Variants in COL4A4 observed in about 807,000 individuals in gnomAD.
The protein encoded by COL4A4 is collagen alpha-4(IV) chain.
COL4A4 carries 105 observed loss-of-function variants against 192.9 expected under a neutral mutation model. The ratio of observed to expected loss-of-function variants is 0.54; its 90% CI spans 0.46 to 0.64. The LOEUF (loss-of-function observed/expected upper bound fraction) is 0.64, where lower values mean the gene tolerates loss of function less well. COL4A4 is among the 30% of genes least tolerant of loss of function. The pLI, the probability that COL4A4 is intolerant of heterozygous loss-of-function variation, is 0.00. For synonymous variants in COL4A4, 762 were observed against 769.9 expected, an observed-to-expected ratio of 0.99 and a Z score of 0.17; for missense variants, 1,967 against 2,169.3, an observed-to-expected ratio of 0.91 and a Z score of 1.85.
At chr2:226,969,364 G>T in the COL4A4 span, among the ~76,000 whole-genome samples, 2 of 141,132 alleles carry the variant, frequency 1.4e-5, no homozygotes, top group East Asian at 4.4e-4. Context: ...AGCAGCAATA[G>T]CCATTTGCTC....
intron 1 of COL4A4, among the ~76,000 whole-genome samples, chr2:227,152,948 G>T (rs2064058616): frequency 6.6e-6 from 1 of 152,128 alleles, no homozygotes; most frequent in African/African-American, 2.4e-5. Flanking sequence ...CCTGAGACTG[G>T]GTAATTTGTA....
intron 19 of COL4A4, among the ~76,000 whole-genome samples, chr2:227,097,554 GTTAC>G (rs1302360780): frequency 2.0e-5 from 3 of 152,262 alleles, no homozygotes; most frequent in African/African-American, 7.2e-5. Flanking sequence ...AGAGACACTT[GTTAC>G]TTACTATTAG....
chr2:227,156,395 TAAA>T (rs5839193), intron 1 of COL4A4, among the ~76,000 whole-genome samples: 8 of 135,142 alleles, frequency 5.9e-5, no homozygotes, highest in Admixed American at 5.9e-4. Flanking sequence ...AAACCCCGTC[TAAA>T]AAAAAAAAAA....
At chr2:227,063,912 T>C (rs2058134508) in intron 25 of COL4A4, among the ~76,000 whole-genome samples, 1 of 152,114 alleles carries the variant, frequency 6.6e-6, no homozygotes, top group Non-Finnish European at 1.5e-5. Flanking sequence ...AATTTTGGTA[T>C]GTCAAATAAA....
At chr2:227,132,756 C>A (rs1290150439) in intron 4 of COL4A4, among the ~76,000 whole-genome samples, 1 of 151,878 alleles carries the variant, frequency 6.6e-6, no homozygotes, top group African/African-American at 2.4e-5. Flanking sequence ...AGCCTGGCAA[C>A]AGAGCAAGAC....
chr2:227,094,710 A>C (rs1171837262), intron 19 of COL4A4, among the ~76,000 whole-genome samples: 3 of 152,018 alleles, frequency 2.0e-5, no homozygotes, highest in Non-Finnish European at 4.4e-5. Flanking sequence ...TCTTCTCACC[A>C]CCCCCCACAA....
chr2:227,019,572 C>T (rs1268106658), intron 44 of COL4A4, among the ~76,000 whole-genome samples: 3 of 152,228 alleles, frequency 2.0e-5, no homozygotes, highest in Non-Finnish European at 4.4e-5. Flanking sequence ...CAAATACCAG[C>T]TCTTACTGGG....
chr2:227,061,733 T>G (rs970690512), intron 26 of COL4A4, among the ~76,000 whole-genome samples: 2 of 145,170 alleles, frequency 1.4e-5, no homozygotes, highest in Admixed American at 1.3e-4. Flanking sequence ...GCAAAATATC[T>G]TAGATAGATT....
chr2:227,124,402 GC>G (rs1165201628), intron 4 of COL4A4, among the ~76,000 whole-genome samples: 1 of 152,154 alleles, frequency 6.6e-6, no homozygotes, highest in African/African-American at 2.4e-5. Context: ...ACCACTTCTT[GC>G]TCACCATTAA....
intron 1 of COL4A4, among the ~76,000 whole-genome samples, chr2:227,156,338 G>A (rs894683797): frequency 7.3e-5 from 11 of 151,572 alleles, no homozygotes; most frequent in African/African-American, 1.7e-4. Context: ...GGCAGAGGTT[G>A]CGTGAGTGGA....
At chr2:227,041,859 AAAG>A (rs1971378311) in intron 37 of COL4A4, among the ~76,000 whole-genome samples, 1 of 103,802 alleles carries the variant, frequency 9.6e-6, no homozygotes, top group African/African-American at 4.4e-5. Flanking sequence ...AGAAAGAAAG[AAAG>A]AAAGAAAGAA....
the COL4A4 span, among the ~76,000 whole-genome samples, chr2:226,985,716 G>C: frequency 1.3e-5 from 2 of 152,248 alleles, no homozygotes; most frequent in Non-Finnish European, 2.9e-5. Context: ...AGCCCTCCTG[G>C]TGATTCACAC....
At chr2:227,130,844 A>C (rs984761038) in intron 4 of COL4A4, among the ~76,000 whole-genome samples, 72 of 152,098 alleles carry the variant, frequency 4.7e-4, no homozygotes, top group South Asian at 1.0e-3. Flanking sequence ...CATGCCTCTA[A>C]CTGCCTGCCC....
At position 227,103,980 on chromosome 2, in the gene COL4A4, C is replaced by CT; in HGVS notation, c.807dup (p.Gly270ArgfsTer160). 1 of 1,612,834 alleles carries CT rather than the reference C, an allele frequency of 6.2e-7. No homozygotes were observed. Among genetic ancestry groups the CT allele is most frequent in the Non-Finnish European group, 8.5e-7 (1 of 1,179,354 alleles). On this transcript the variant is annotated frameshift_variant, in exon 13 of 48. Transcript: ENST00000396625. LOFTEE classifies it high-confidence loss of function. ...ATGGATTTGGGAATTACCTTTTCTCCTTTATAGAGACAAAAGTCAGGTGGC... is the reference window on the plus strand; with the variant it reads ...ATGGATTTGGGAATTACCTTTTCTCCTTTTATAGAGACAAAAGTCAGGTGGC...
the COL4A4 span, chr2:226,996,681 A>G: frequency 2.0e-5 from 3 of 152,182 alleles, no homozygotes; most frequent in African/African-American, 7.2e-5. Context: ...CTGGAAAGAA[A>G]TATACCCAAA....
chr2:227,152,572 C>T (rs2064024923), intron 1 of COL4A4, among the ~76,000 whole-genome samples: 1 of 152,198 alleles, frequency 6.6e-6, no homozygotes, highest in South Asian at 2.1e-4. Flanking sequence ...GATGCAACTG[C>T]TAGATCACAG....
In COL4A4 at chr2:227,011,604, G is replaced by A. The variant is rs548947443; in HGVS notation, c.4333+577C>T. Reference sequence around the variant, plus strand: ...TGTCTCAGGCTCTTTGGATCCATGCGCCTAACGAGCTACATGGTGCATTGT... The same window carrying A: ...TGTCTCAGGCTCTTTGGATCCATGCACCTAACGAGCTACATGGTGCATTGT... On this transcript the variant is annotated intron_variant, in intron 45 of 47. Transcript: ENST00000396625. 5.3e-5 allele frequency among the ~76,000 whole-genome samples: 8 copies of A among 152,268 alleles called. No homozygotes were observed. The East Asian group carries it at 5.8e-4, about 11-fold the overall frequency.
chr2:227,059,299 G>C (rs1232326807), intron 28 of COL4A4, 106 bp downstream of exon 28: 1 of 959,054 alleles, frequency 1.0e-6, no homozygotes, highest in African/African-American at 1.6e-5. Flanking sequence ...TGGGTAAACT[G>C]TTTATATTCT....
intron 23 of COL4A4, 92 bp downstream of exon 23, chr2:227,082,023 T>C: frequency 1.9e-6 from 2 of 1,078,880 alleles, no homozygotes; most frequent in Non-Finnish European, 2.9e-6. Flanking sequence ...TTGTATAGAA[T>C]TGATCTATGG....
Sources: allele counts gnomAD v4.1 joint callset (sites outside exome capture counted in the v4.1 genomes callset), GRCh38; gene constraint gnomAD v4.1.1; transcripts MANE v1.5; gene names NCBI Gene and HGNC (gene_info 2026-07-23, HGNC 2026-07-21).